Variants in PCDHA2 observed in about 807,000 individuals in gnomAD.
The protein encoded by PCDHA2 is protocadherin alpha 2.
PCDHA2 carries 58 observed loss-of-function variants against 66.0 expected under a neutral mutation model. That is an observed-to-expected ratio of 0.88 (90% CI 0.71 to 1.09). PCDHA2 has a LOEUF of 1.09. Ranked by LOEUF, PCDHA2 falls within the 50% of genes least tolerant of loss-of-function variation. The pLI is 0.00. For missense variants in PCDHA2, 1,267 were observed against 1,242.3 expected (o/e 1.02, Z -0.30); for synonymous variants, 634 against 554.0 (o/e 1.14, Z -2.03).
intron 1 of PCDHA2, chr5:140,882,139 A>G (rs1185324508): frequency 6.0e-6 from 9 of 1,489,890 alleles, no homozygotes; most frequent in South Asian, 4.2e-5. Context: ...TGCAGAAAAT[A>G]TAGCAGAAAG....
chr5:140,829,809 C>CTGG, intron 1 of PCDHA2: 1 of 1,613,854 alleles, frequency 6.2e-7, no homozygotes, highest in African/African-American at 1.3e-5. Context: ...GTGGGTGGTA[C>CTGG]TGGTGGTGCA....
chr5:140,850,783 G>A lies in PCDHA2; in HGVS notation c.2388+53431G>A, dbSNP rs2150498112. 4.6e-5 allele frequency: 73 copies of A among 1,598,056 alleles called. 5 individuals carry two copies. Among genetic ancestry groups the A allele is most frequent in the East Asian group, 4.5e-5 (2 of 44,866 alleles). On this transcript the variant is annotated intron_variant, in intron 1 of 3. Coordinates refer to ENST00000526136, the MANE Select transcript of PCDHA2 (RefSeq NM_018905.3). ...AGGCAGAGGGTGTGCTCTGGCGAGG[G>A]TAAGCAGAAGACCGACCTCATGGCC... is the stretch of plus-strand genomic sequence containing the variant.
At chr5:140,837,745 T>C (rs1305157984) in intron 1 of PCDHA2, among the ~76,000 whole-genome samples, 1 of 151,794 alleles carries the variant, frequency 6.6e-6, no homozygotes, top group East Asian at 1.9e-4. Context: ...GGTGGGATTA[T>C]AGCCCACTGC....
intron 1 of PCDHA2, chr5:140,841,517 G>C (rs2150317250): frequency 6.2e-7 from 1 of 1,613,540 alleles, no homozygotes; most frequent in Non-Finnish European, 8.5e-7. Flanking sequence ...CCTGTTCCGG[G>C]TGGCGTCCAA....
chr5:140,817,568 T>A (rs1373066200), intron 1 of PCDHA2: 1 of 152,252 alleles, frequency 6.6e-6, no homozygotes, highest in African/African-American at 2.4e-5. Flanking sequence ...ATTACCTCAA[T>A]TAAATCAATA....
intron 1 of PCDHA2, chr5:140,809,319 T>A (rs782158465): frequency 1.9e-6 from 3 of 1,614,108 alleles, no homozygotes; most frequent in South Asian, 2.2e-5. Context: ...TCCAGCCTTT[T>A]GGTGCTCACG....
At chr5:140,960,455 T>A (rs1585839337) in intron 1 of PCDHA2, among the ~76,000 whole-genome samples, 3 of 152,274 alleles carry the variant, frequency 2.0e-5, no homozygotes, top group African/African-American at 7.2e-5. Flanking sequence ...ATGGATAATT[T>A]TGAGAAGTAA....
In PCDHA2 at chr5:140,842,940, C is replaced by G. The variant is rs2150348293; in HGVS notation, c.2388+45588C>G. On this transcript the variant is annotated intron_variant, in intron 1 of 3. Transcript: ENST00000526136. ...CAGTTCCAGGTGAGCGCGCGCGACG[C>G]GGGCGTGCCGCCTCTGGGCAGCAAC... The G allele has an allele frequency of 3.8e-6, 6 of 1,594,510 alleles. 1 individual carries two copies. Among genetic ancestry groups the G allele is most frequent in the Admixed American group, 3.4e-5 (2 of 59,306 alleles).
intron 1 of PCDHA2, among the ~76,000 whole-genome samples, chr5:140,950,237 A>G (rs1192417956): frequency 6.6e-6 from 1 of 151,954 alleles, no homozygotes; most frequent in African/African-American, 2.4e-5. Flanking sequence ...AGTGCCATTA[A>G]TTTGTTCCTA....
At chr5:140,870,860 C>A (rs782404408) in intron 1 of PCDHA2, 6 of 1,613,882 alleles carry the variant, frequency 3.7e-6, no homozygotes, top group Non-Finnish European at 2.5e-6. Context: ...TCGGTGGGTG[C>A]GGGCCACGTG....
intron 1 of PCDHA2, among the ~76,000 whole-genome samples, chr5:140,887,368 T>C (rs2061428699): frequency 6.6e-6 from 1 of 152,174 alleles, no homozygotes; most frequent in Non-Finnish European, 1.5e-5. Context: ...AGTGCTGGGA[T>C]TACAGGTGTG....
At chr5:140,864,027 G>A (rs2048287135) in intron 1 of PCDHA2, 1 of 152,794 alleles carries the variant, frequency 6.5e-6, no homozygotes, top group Non-Finnish European at 1.5e-5. Flanking sequence ...TGGAAGTCTA[G>A]CCATCTTAAT....
chr5:140,875,668 G>A lies in PCDHA2; in HGVS notation c.2388+78316G>A, dbSNP rs1554167843. On this transcript the variant is annotated intron_variant, in intron 1 of 3. Transcript: ENST00000526136. ...GGAGCTGGTGCCGCGCCTGTTCCGG[G>A]TGGCGTCCAAAAGACACGGGGACCT... 4.3e-6 allele frequency: 7 copies of A among 1,613,726 alleles called. No homozygotes were observed. The highest frequency in any genetic ancestry group is 3.3e-5 in the South Asian group (3 of 91,074).
rs782605707 is a variant in PCDHA2 at position 140,857,540 on chromosome 5, T to G, written c.2388+60188T>G. The G allele has an allele frequency of 1.6e-4, 262 of 1,596,716 alleles. 26 individuals carry two copies. Among genetic ancestry groups the G allele is most frequent in the Non-Finnish European group, 2.1e-4 (250 of 1,167,578 alleles). ...GTCCTACTCTCTGGTGGAGCGGCGG[T>G]TGGGCGAGCGCTCGCTGTCGAGCTA... On this transcript the variant is annotated intron_variant, in intron 1 of 3. Transcript: ENST00000526136.
intron 1 of PCDHA2, among the ~76,000 whole-genome samples, chr5:140,917,362 A>G (rs552053034): frequency 2.2e-4 from 32 of 142,394 alleles, no homozygotes; most frequent in Admixed American, 1.7e-3. Flanking sequence ...CTGTTCCACT[A>G]TCTTGCTCCA....
At chr5:140,921,981 A>G (rs2080540156) in intron 1 of PCDHA2, among the ~76,000 whole-genome samples, 1 of 152,092 alleles carries the variant, frequency 6.6e-6, no homozygotes, top group Non-Finnish European at 1.5e-5. Flanking sequence ...AAATAGAACT[A>G]AAAAAGAGTT....
rs1381910879 is a variant in PCDHA2, at chr5:140,795,502, C to G, written c.538C>G (p.Leu180Val). ...GCTCAGCTCCAGTGAGTTTTTCTTC[C>G]TAGATATACAGGCAAATGATGAACT... ...YKLSSSEFFF[L>V]DIQANDELSE... is the part of the protein sequence containing the mutation. Residue 180 changes from leucine (L) to valine (V), a missense_variant, in exon 1 of 4, where the codon CTA (leucine) becomes GTA (valine). Physicochemically the swap from Leu to Val is conservative, Grantham distance 32 (BLOSUM62 1). Coordinates refer to ENST00000526136, the MANE Select transcript of PCDHA2 (RefSeq NM_018905.3). 1 of 1,614,122 alleles carries G rather than the reference C, an allele frequency of 6.2e-7. No individual in the cohort carries two copies. Among genetic ancestry groups the G allele is most frequent in the Non-Finnish European group, 8.5e-7 (1 of 1,180,026 alleles).
intron 3 of PCDHA2, among the ~76,000 whole-genome samples, chr5:141,001,760 G>A (rs2098035777): frequency 6.6e-6 from 1 of 152,146 alleles, no homozygotes; most frequent in South Asian, 2.1e-4. Flanking sequence ...GGTTGATGGC[G>A]GATGGTTTTT....
chr5:140,903,339 A>T (rs1176958912), intron 1 of PCDHA2, among the ~76,000 whole-genome samples: 1 of 152,206 alleles, frequency 6.6e-6, no homozygotes, highest in African/African-American at 2.4e-5. Context: ...GAAAGGATGC[A>T]TTTTAAAAAA....
Sources: gnomAD v4.1 joint callset for allele counts (sites outside exome capture counted in the v4.1 genomes callset) on GRCh38, gnomAD v4.1.1 for gene constraint, MANE v1.5 for transcripts, NCBI Gene and HGNC (gene_info 2026-07-23, HGNC 2026-07-21) for gene names.